The following IL1RAPL1 variants were observed in gnomAD, a reference collection of about 807,000 sequenced individuals.
IL1RAPL1 encodes interleukin 1 receptor accessory protein like 1, also known as interleukin-1 receptor accessory protein-like 1.
A neutral mutation model predicts 48.4 loss-of-function variants in IL1RAPL1; 3 were observed. The observed-to-expected ratio is 0.06, with a 90% CI of 0.03 to 0.16. IL1RAPL1 has a LOEUF of 0.16. IL1RAPL1 is among the 10% of genes least tolerant of loss of function. IL1RAPL1 has a pLI of 1.00. For synonymous variants in IL1RAPL1, 185 were observed against 187.7 expected (o/e 0.99, Z 0.12); for missense variants, 349 against 530.6 (o/e 0.66, Z 3.36).
chrX:29,031,780 G>A (rs751927565), intron 2 of IL1RAPL1, among the ~76,000 whole-genome samples: 1 of 111,170 alleles, frequency 9.0e-6, no homozygotes, highest in East Asian at 2.8e-4. Context: ...GGTTTTTCTG[G>A]TTATAATATC....
intron 6 of IL1RAPL1, among the ~76,000 whole-genome samples, chrX:29,766,508 A>G (rs1192100599): frequency 1.0e-5 from 1 of 96,229 alleles, no homozygotes; most frequent in Non-Finnish European, 2.0e-5. Context: ...TATATATGAG[A>G]TTTCCATTTT....
At chrX:29,328,464 T>G (rs1449659354) in intron 3 of IL1RAPL1, among the ~76,000 whole-genome samples, 6 of 111,113 alleles carry the variant, frequency 5.4e-5, no homozygotes, top group Middle Eastern at 4.6e-3. Flanking sequence ...AACACAGTTT[T>G]CAGATGGGTG....
chrX:28,885,197 A>G (rs1364859598), intron 2 of IL1RAPL1, among the ~76,000 whole-genome samples: 1 of 111,657 alleles, frequency 9.0e-6, no homozygotes, highest in Non-Finnish European at 1.9e-5. Context: ...TCTATGGACA[A>G]TAATCATTAT....
intron 2 of IL1RAPL1, among the ~76,000 whole-genome samples, chrX:28,887,477 A>G (rs1358839452): frequency 1.8e-5 from 2 of 112,477 alleles, no homozygotes; most frequent in African/African-American, 6.5e-5. Flanking sequence ...TAGCTTAAGT[A>G]ATAAAACATT....
At chrX:29,372,949 A>G (rs766706554) in intron 3 of IL1RAPL1, among the ~76,000 whole-genome samples, 42 of 110,254 alleles carry the variant, frequency 3.8e-4, no homozygotes, top group African/African-American at 1.3e-3. Context: ...TCGTTTTTCT[A>G]ATTCTGTGAA....
intron 6 of IL1RAPL1, among the ~76,000 whole-genome samples, chrX:29,889,745 CAAGAAACATACAGA>C (rs1310690599): frequency 9.0e-6 from 1 of 111,229 alleles, no homozygotes; most frequent in African/African-American, 3.3e-5. Context: ...TAGTATTAGC[CAAGAAACATACAGA>C]AAAAACTGTT....
intron 2 of IL1RAPL1, among the ~76,000 whole-genome samples, chrX:29,251,998 A>G (rs948680386): frequency 9.3e-6 from 1 of 107,744 alleles, no homozygotes; most frequent in Non-Finnish European, 1.9e-5. Context: ...CATCATTCTC[A>G]GTAAACTATC....
chrX:28,860,707 C>T (rs1241636882), intron 2 of IL1RAPL1, among the ~76,000 whole-genome samples: 2 of 110,852 alleles, frequency 1.8e-5, no homozygotes, highest in African/African-American at 3.3e-5. Context: ...GATCCGCCCC[C>T]CCGCTTAGCC....
At chrX:29,081,975 C>T (rs1207180073) in intron 2 of IL1RAPL1, among the ~76,000 whole-genome samples, 1 of 110,842 alleles carries the variant, frequency 9.0e-6, no homozygotes, top group Non-Finnish European at 1.9e-5. Context: ...ATAACAAATT[C>T]TCTTATGAAA....
intron 5 of IL1RAPL1, among the ~76,000 whole-genome samples, chrX:29,527,511 G>A (rs1935566944): frequency 9.3e-6 from 1 of 107,381 alleles, no homozygotes; most frequent in African/African-American, 3.4e-5. Flanking sequence ...CTAATTTTTT[G>A]TATTTGGGTT....
rs1932772397 is a variant in IL1RAPL1, at chrX:29,913,220, TAAG to T, written c.779-4240_779-4238del. On this transcript the variant is annotated intron_variant, in intron 6 of 10. Coordinates refer to ENST00000378993, the MANE Select transcript of IL1RAPL1 (RefSeq NM_014271.4). ...TCTAGGCTGTGAGCAGAGCAATGCA[TAAG>T]AAGTGAAGTGGTAACTTTGCTTAGC... Among the ~76,000 whole-genome samples, 3 of 110,563 alleles carry T rather than the reference TAAG, an allele frequency of 2.7e-5. No homozygotes were observed. In the South Asian group the frequency reaches 1.2e-3, roughly 43 times the overall value.
intron 6 of IL1RAPL1, among the ~76,000 whole-genome samples, chrX:29,824,511 G>A (rs1321181436): frequency 2.7e-5 from 3 of 111,732 alleles, no homozygotes; most frequent in East Asian, 5.6e-4. Context: ...AGGGTAGAAT[G>A]TTTTATGTGT....
chrX:29,363,010 G>A (rs948218387), intron 3 of IL1RAPL1, among the ~76,000 whole-genome samples: 1 of 111,447 alleles, frequency 9.0e-6, no homozygotes, highest in Non-Finnish European at 1.9e-5. Context: ...ACTGAGGCAC[G>A]GGAAGGTTAA....
intron 5 of IL1RAPL1, among the ~76,000 whole-genome samples, chrX:29,552,726 T>A (rs1182739584): frequency 9.2e-6 from 1 of 109,170 alleles, no homozygotes; most frequent in East Asian, 2.8e-4. Flanking sequence ...GTATTTATTG[T>A]ATAATTAAAT....
intron 2 of IL1RAPL1, among the ~76,000 whole-genome samples, chrX:29,103,072 C>T (rs1382723352): frequency 8.9e-6 from 1 of 112,014 alleles, no homozygotes; most frequent in Non-Finnish European, 1.9e-5. Context: ...AGATTCAATG[C>T]AATTCCTATC....
At chrX:29,406,638 T>C (rs1413638834) in intron 5 of IL1RAPL1, among the ~76,000 whole-genome samples, 1 of 110,607 alleles carries the variant, frequency 9.0e-6, no homozygotes, top group Non-Finnish European at 1.9e-5. Flanking sequence ...TACTACCGAG[T>C]TTTACATAAA....
At chrX:29,538,037 T>C (rs1248679017) in intron 5 of IL1RAPL1, among the ~76,000 whole-genome samples, 2 of 111,295 alleles carry the variant, frequency 1.8e-5, no homozygotes, top group Non-Finnish European at 3.8e-5. Flanking sequence ...TATATGACCG[T>C]GTTTACTAAA....
At chrX:29,527,718 C>T (rs1935569988) in intron 5 of IL1RAPL1, among the ~76,000 whole-genome samples, 2 of 111,287 alleles carry the variant, frequency 1.8e-5, no homozygotes, top group African/African-American at 6.5e-5. Context: ...ATGACAAAAT[C>T]AAAAGCCAAA....
intron 5 of IL1RAPL1, among the ~76,000 whole-genome samples, chrX:29,413,489 T>A (rs1934172704): frequency 9.6e-6 from 1 of 103,877 alleles, no homozygotes; most frequent in African/African-American, 3.6e-5. Flanking sequence ...TATCTCCTAA[T>A]GCTATCCCTC....
Sources: allele counts gnomAD v4.1 joint callset (sites outside exome capture counted in the v4.1 genomes callset), GRCh38; gene constraint gnomAD v4.1.1; transcripts MANE v1.5; gene names NCBI Gene and HGNC (gene_info 2026-07-23, HGNC 2026-07-21).